The following RLF variants were observed in gnomAD, a reference collection of about 807,000 sequenced individuals.
The protein encoded by RLF is zinc finger protein Rlf.
In RLF, 7 loss-of-function variants were observed where a neutral mutation model predicts 162.9. The observed-to-expected ratio is 0.04, with a 90% CI of 0.02 to 0.08. RLF has a LOEUF of 0.08. Ranked by LOEUF, RLF falls within the 10% of genes least tolerant of loss-of-function variation. The pLI is 1.00. For synonymous variants in RLF, 782 were observed against 791.5 expected (o/e 0.99, Z 0.20); for missense variants, 1,664 against 2,244.7 (o/e 0.74, Z 5.23).
Position 40,236,559 on chromosome 1 carries a change from A to G in RLF, c.1857A>G (p.Leu619=), listed in dbSNP as rs17508704. ...PSRRDRSKKK[L]LLKGSQKGIC... Reference sequence around the variant, plus strand: ...GAAGGGACCGCTCTAAAAAGAAATTACTGTTAAAAGGCTCTCAAAAGGGTA... The same window carrying G: ...GAAGGGACCGCTCTAAAAAGAAATTGCTGTTAAAAGGCTCTCAAAAGGGTA... Residue 619 remains leucine (L), a synonymous_variant, in exon 8 of 8, where the codon TTA becomes TTG. Coordinates refer to ENST00000372771, the MANE Select transcript of RLF (RefSeq NM_012421.4). This position sits in a 1 kb window ranked among gnomAD's most constrained non-coding sequence, Gnocchi z 7.7. The G allele has an allele frequency of 0.034, 54,453 of 1,614,056 alleles. 1,066 individuals carry two copies. The highest frequency in any genetic ancestry group is 0.041 in the Non-Finnish European group (48,461 of 1,179,958).
rs1207773203 is a variant in RLF, at chr1:40,194,828, T to G, written c.475-804T>G. Among the ~76,000 whole-genome samples the G allele has an allele frequency of 1.4e-4, 21 of 150,932 alleles. No individual in the cohort carries two copies. The East Asian group carries it at 4.1e-3, about 30-fold the overall frequency. On this transcript the variant is annotated intron_variant, in intron 3 of 7. Transcript: ENST00000372771. ...CCTAGTTATTTATTTATTTATTTAT[T>G]TATTTATTTATTTATTTATTTATGA...
chr1:40,211,495 TATC>T (rs796514773), intron 5 of RLF, among the ~76,000 whole-genome samples: 4 of 152,372 alleles, frequency 2.6e-5, no homozygotes, highest in African/African-American at 9.6e-5. Context: ...AAAACATTTT[TATC>T]ATGATGTGGA....
intron 2 of RLF, among the ~76,000 whole-genome samples, chr1:40,189,816 A>AG (rs1435563546): frequency 1.3e-5 from 2 of 152,084 alleles, no homozygotes; most frequent in Non-Finnish European, 2.9e-5. Flanking sequence ...CAAAAAAAAA[A>AG]GAACGTGATT....
intron 3 of RLF, 41 bp from the exon 4 acceptor site, chr1:40,195,591 T>C: frequency 1.3e-6 from 2 of 1,553,222 alleles, no homozygotes; most frequent in African/African-American, 1.4e-5. Flanking sequence ...CTAATTTTTA[T>C]ATTGTTAACT....
Position 40,236,630 on chromosome 1 carries a change from T to C in RLF, c.1928T>C (p.Leu643Ser). ...GCAATCCCAGAGCAAAACCATTCATTGAATGACCAAGCCAAAGGAGAGTCT... is the reference window on the plus strand; with the variant it reads ...GCAATCCCAGAGCAAAACCATTCATCGAATGACCAAGCCAAAGGAGAGTCT... ...PSAIPEQNHS[L>S]NDQAKGESHE... Residue 643 changes from leucine to serine, a missense_variant, in exon 8 of 8, where the codon TTG becomes TCG. Physicochemically the swap from Leu to Ser is moderately radical, Grantham distance 145 (BLOSUM62 -2). Transcript: ENST00000372771. The surrounding 1 kb of genome is among the most constrained non-coding windows in gnomAD (Gnocchi z 7.7). The C allele has an allele frequency of 2.5e-6, 4 of 1,614,142 alleles. No homozygotes were observed. The African/African-American group carries it at 4.0e-5, about 16-fold the overall frequency.
chr1:40,196,351 C>G (rs1014509170), intron 4 of RLF, among the ~76,000 whole-genome samples: 1 of 152,102 alleles, frequency 6.6e-6, no homozygotes, highest in African/African-American at 2.4e-5. Flanking sequence ...GGATTATAGG[C>G]AAGAGCCACT....
chr1:40,230,270 GTC>G (rs1384153873), intron 6 of RLF, among the ~76,000 whole-genome samples: 1 of 152,176 alleles, frequency 6.6e-6, no homozygotes, highest in African/African-American at 2.4e-5. Context: ...CTGGGAGACA[GTC>G]TGTGTTAATA....
At chr1:40,231,381 A>C (rs1643149704) in intron 6 of RLF, 136 bp from the exon 7 acceptor site, 1 of 663,530 alleles carries the variant, frequency 1.5e-6, no homozygotes. Context: ...AGCAGTGGTG[A>C]ATATAGACAG....
At position 40,177,180 on chromosome 1, in the gene RLF, T is replaced by TTC. The variant is rs1295107137; in HGVS notation, c.238-11874_238-11873dup. ...TCTGTATTTTTAGATGAGACAGGGTTTCGCCATGTTGGCCAGGCTGGTCTT... is the reference window on the plus strand; with the variant it reads ...TCTGTATTTTTAGATGAGACAGGGTTTCTCGCCATGTTGGCCAGGCTGGTCTT... On this transcript the variant is annotated intron_variant, in intron 1 of 7. Transcript: ENST00000372771. 5.3e-5 allele frequency among the ~76,000 whole-genome samples: 8 copies of TTC among 152,134 alleles called. No homozygotes were observed. In the Middle Eastern group the frequency reaches 0.014, roughly 259 times the overall value.
At chr1:40,199,276 A>G (rs1271330258) in intron 4 of RLF, among the ~76,000 whole-genome samples, 2 of 152,226 alleles carry the variant, frequency 1.3e-5, no homozygotes, top group Non-Finnish European at 2.9e-5. Context: ...TTAGTGCTGT[A>G]GGGAATACAA....
chr1:40,178,467 T>A (rs1341390697), intron 1 of RLF, among the ~76,000 whole-genome samples: 1 of 152,138 alleles, frequency 6.6e-6, no homozygotes, highest in Non-Finnish European at 1.5e-5. Context: ...AGGAGTTCAG[T>A]GGGTAGACGT....
intron 2 of RLF, 145 bp downstream of exon 2, chr1:40,189,354 G>T: frequency 1.6e-6 from 1 of 619,324 alleles, no homozygotes; most frequent in Non-Finnish European, 2.7e-6. Context: ...TCCTACTCAC[G>T]TTCCCAGGAG....
At chr1:40,167,901 T>C (rs1476643296) in intron 1 of RLF, among the ~76,000 whole-genome samples, 1 of 151,676 alleles carries the variant, frequency 6.6e-6, no homozygotes, top group African/African-American at 2.4e-5. Context: ...AATAAGCAAG[T>C]CTTAACTGTC....
chr1:40,215,678 C>G (rs1642916127), intron 5 of RLF, among the ~76,000 whole-genome samples: 2 of 152,018 alleles, frequency 1.3e-5, no homozygotes, highest in Admixed American at 1.3e-4. Flanking sequence ...ACCTCCTGGG[C>G]TCACGTGGTC....
chr1:40,185,656 CAAAAA>C (rs1163398364), intron 1 of RLF, among the ~76,000 whole-genome samples: 1 of 38,752 alleles, frequency 2.6e-5, no homozygotes, highest in South Asian at 8.4e-4. Context: ...ACTAAAAATA[CAAAAA>C]AAAAAAAAAA....
At position 40,240,551 on chromosome 1, in the gene RLF, A is replaced by G; in HGVS notation, c.*104A>G. On this transcript the variant is annotated 3_prime_UTR_variant, in exon 8 of 8. Coordinates refer to ENST00000372771, the MANE Select transcript of RLF (RefSeq NM_012421.4). ...AAGCAGCCACACCGTTGTTTAGGGT[A>G]GAATAGGCTGTGTATTTACATGAAT... 1.3e-6 allele frequency: 1 copy of G among 769,514 alleles called. No individual in the cohort carries two copies. Among genetic ancestry groups the G allele is most frequent in the Non-Finnish European group, 2.2e-6 (1 of 462,140 alleles). The allele number at this position is 769,514 out of a possible 1,614,324, so 47.7% of individuals were successfully genotyped here.
chr1:40,240,163 A>G lies in RLF; in HGVS notation c.5461A>G (p.Ser1821Gly), dbSNP rs777062325. 1.9e-6 allele frequency: 3 copies of G among 1,614,204 alleles called. No individual in the cohort carries two copies. The highest frequency in any genetic ancestry group is 3.3e-5 in the Admixed American group (2 of 60,022). ...NVVANNMVND[S>G]EPEVDIPHSS... is the part of the protein sequence containing the mutation. The stretch of plus-strand genomic sequence containing the variant: ...TGTGGCAAATAATATGGTGAATGAC[A>G]GTGAACCTGAAGTTGACATACCTCA... Residue 1821 changes from serine (S) to glycine (G), a missense_variant, in exon 8 of 8, where the codon AGT (serine) becomes GGT (glycine). Physicochemically the swap from Ser to Gly is moderately conservative, Grantham distance 56. Transcript: ENST00000372771.
chr1:40,180,732 A>G (rs1436597368), intron 1 of RLF, among the ~76,000 whole-genome samples: 2 of 151,862 alleles, frequency 1.3e-5, no homozygotes, highest in Non-Finnish European at 2.9e-5. Context: ...CCAATTTTTA[A>G]TTGGCTTGTT....
rs1197487435 is a variant in RLF, at chr1:40,212,264, G to A, written c.810+9650G>A. ...ACATACAATTAAGATTAATTGACTG[G>A]GTCATCTGAAAGTCAAAATTCAGAA... On this transcript the variant is annotated intron_variant, in intron 5 of 7. Coordinates refer to ENST00000372771, the MANE Select transcript of RLF (RefSeq NM_012421.4). 1.0e-3 allele frequency among the ~76,000 whole-genome samples: 154 copies of A among 152,136 alleles called. 5 individuals are homozygous for A. The highest frequency in any genetic ancestry group is 5.9e-5 in the Non-Finnish European group (4 of 68,024).
Sources: gnomAD v4.1 joint callset for allele counts (sites outside exome capture counted in the v4.1 genomes callset) on GRCh38, gnomAD v4.1.1 for gene constraint, Gnocchi (gnomAD v3.1) non-coding constraint, MANE v1.5 for transcripts, NCBI Gene and HGNC (gene_info 2026-07-23, HGNC 2026-07-21) for gene names.